The following CAPSL variants were observed in gnomAD, a reference collection of about 807,000 sequenced individuals.
CAPSL encodes calcyphosine like.
A neutral mutation model predicts 21.3 loss-of-function variants in CAPSL; 17 were observed. That is an observed-to-expected ratio of 0.80 (90% confidence interval 0.55 to 1.20). The LOEUF is 1.20. CAPSL is among the 50% of genes most tolerant of loss of function. CAPSL has a pLI of 0.00. For missense variants in CAPSL, 289 were observed against 259.3 expected (o/e 1.11, Z -0.79); for synonymous variants, 102 against 89.3 (o/e 1.14, Z -0.80).
chr5:35,935,326 T>C (rs1738916866), intron 1 of CAPSL, among the ~76,000 whole-genome samples: 1 of 148,506 alleles, frequency 6.7e-6, no homozygotes, highest in South Asian at 2.1e-4. Context: ...CCTCTGAAAG[T>C]CCAAACTTCT....
chr5:35,905,816 C>G (rs1760661247), intron 4 of CAPSL, among the ~76,000 whole-genome samples: 1 of 152,210 alleles, frequency 6.6e-6, no homozygotes, highest in Admixed American at 6.5e-5. Context: ...ACACCACCTG[C>G]ATCAGGACAA....
At chr5:35,935,847 C>T (rs904910015) in intron 1 of CAPSL, among the ~76,000 whole-genome samples, 100 of 152,282 alleles carry the variant, frequency 6.6e-4, no homozygotes, top group African/African-American at 2.2e-3. Flanking sequence ...TGCCTCCCTT[C>T]TTGACCCTCA....
At chr5:35,935,901 C>T (rs1738933998) in intron 1 of CAPSL, among the ~76,000 whole-genome samples, 1 of 152,158 alleles carries the variant, frequency 6.6e-6, no homozygotes, top group South Asian at 2.1e-4. Flanking sequence ...TAACTTGGTT[C>T]AATTTGCCCA....
At chr5:35,928,125 A>G (rs531072103) in intron 1 of CAPSL, among the ~76,000 whole-genome samples, 6 of 152,194 alleles carry the variant, frequency 3.9e-5, no homozygotes, top group African/African-American at 1.4e-4. Context: ...GAGGGGATAA[A>G]TGCTGTGTCT....
chr5:35,911,878 C>A (rs529237370), intron 2 of CAPSL, among the ~76,000 whole-genome samples: 70 of 152,244 alleles, frequency 4.6e-4, no homozygotes, highest in Non-Finnish European at 6.6e-4. Context: ...ACAGTGGGTG[C>A]AGCACACCAA....
intron 1 of CAPSL, among the ~76,000 whole-genome samples, chr5:35,921,397 T>A (rs1738535535): frequency 6.6e-6 from 1 of 152,218 alleles, no homozygotes. Context: ...CCCTCTTCCA[T>A]CCATAAAAGA....
rs553216841 is a variant in CAPSL at position 35,932,314 on chromosome 5, T to C, written c.-1+6227A>G. ...AGAAGACTGGAAGTGCTTCAAGTAG[T>C]CATCAATGTTTCCAGACTCTACTCA... On this transcript the variant is annotated intron_variant, in intron 1 of 4. Coordinates refer to ENST00000651391, the MANE Select transcript of CAPSL (RefSeq NM_001042625.2). 1.3e-5 allele frequency among the ~76,000 whole-genome samples: 2 copies of C among 152,270 alleles called. 1 individual carries two copies. The highest frequency in any genetic ancestry group is 2.9e-5 in the Non-Finnish European group (2 of 68,020).
Position 35,910,442 on chromosome 5 carries a change from A to G in CAPSL, c.239T>C (p.Val80Ala). The G allele has an allele frequency of 1.2e-6, 2 of 1,613,810 alleles. No individual in the cohort carries two copies. Among genetic ancestry groups the G allele is most frequent in the Non-Finnish European group, 1.7e-6 (2 of 1,179,764 alleles). Residue 80 changes from valine to alanine, a missense_variant, in exon 3 of 5, where the codon GTG becomes GCG. Coordinates refer to ENST00000651391, the MANE Select transcript of CAPSL (RefSeq NM_001042625.2). Reference protein sequence around the residue: ...DYAVVMEKEEVEELFRRFDKD... With the variant: ...DYAVVMEKEEAEELFRRFDKD... The stretch of plus-strand genomic sequence containing the variant: ...ATCAAACCTCCGGAAAAGTTCTTCC[A>G]CCTCTTCTTTTTCCATGACCACAGC...
At position 35,910,512 on chromosome 5, in the gene CAPSL, GATT is replaced by G; in HGVS notation, c.166_168del (p.Asn56del). Reference sequence around the variant, plus strand: ...ATAAATTCTTTAAAATCAAGGGTTCGATTATTATCGTCATCCATAATTCTAAAC... The same window carrying G: ...ATAAATTCTTTAAAATCAAGGGTTCGATTATCGTCATCCATAATTCTAAAC... On this transcript the variant is annotated inframe_deletion, in exon 3 of 5. Transcript: ENST00000651391. 1 of 1,607,714 alleles carries G rather than the reference GATT, an allele frequency of 6.2e-7. No individual in the cohort carries two copies.
At chr5:35,930,597 C>T (rs1181917526) in intron 1 of CAPSL, among the ~76,000 whole-genome samples, 1 of 152,184 alleles carries the variant, frequency 6.6e-6, no homozygotes, top group Non-Finnish European at 1.5e-5. Context: ...AAACACCTAC[C>T]TTGCCCCACT....
chr5:35,931,795 G>T (rs999768491), intron 1 of CAPSL, among the ~76,000 whole-genome samples: 1 of 152,192 alleles, frequency 6.6e-6, no homozygotes, highest in Non-Finnish European at 1.5e-5. Flanking sequence ...ACTTCGGTTG[G>T]TTTCAGTGTT....
chr5:35,917,645 T>C (rs1738427299), intron 2 of CAPSL, among the ~76,000 whole-genome samples: 1 of 152,080 alleles, frequency 6.6e-6, no homozygotes, highest in East Asian at 1.9e-4. Flanking sequence ...ATGTTCGCAC[T>C]CATAGGTGGG....
At chr5:35,926,230 G>A (rs1399202569) in intron 1 of CAPSL, among the ~76,000 whole-genome samples, 2 of 152,178 alleles carry the variant, frequency 1.3e-5, no homozygotes, top group Non-Finnish European at 2.9e-5. Context: ...AGAAGAGATA[G>A]GAGATGGCCA....
intron 1 of CAPSL, among the ~76,000 whole-genome samples, 173 bp downstream of exon 1, chr5:35,938,368 C>T (rs1306420754): frequency 6.6e-6 from 1 of 152,112 alleles, no homozygotes; most frequent in African/African-American, 2.4e-5. Flanking sequence ...CAGTACCAAG[C>T]TCTTTCCTCT....
intron 4 of CAPSL, among the ~76,000 whole-genome samples, chr5:35,905,234 C>T (rs1159826286): frequency 2.0e-5 from 3 of 152,182 alleles, no homozygotes; most frequent in Non-Finnish European, 2.9e-5. Flanking sequence ...CACCCATGAC[C>T]ATCTCTTTGA....
rs1738906139 is a variant in CAPSL, at chr5:35,934,920, T to G, written c.-1+3621A>C. ...TCTTTATCCTGGATGGTATCTGATTTTGCATAAGGAAACCTACCCCTCTTG... is the reference window on the plus strand; with the variant it reads ...TCTTTATCCTGGATGGTATCTGATTGTGCATAAGGAAACCTACCCCTCTTG... On this transcript the variant is annotated intron_variant, in intron 1 of 4. Coordinates refer to ENST00000651391, the MANE Select transcript of CAPSL (RefSeq NM_001042625.2). 2.6e-5 allele frequency among the ~76,000 whole-genome samples: 4 copies of G among 152,306 alleles called. No individual in the cohort carries two copies. In the South Asian group the frequency reaches 8.3e-4, roughly 32 times the overall value.
chr5:35,906,332 A>G (rs1760679658), intron 4 of CAPSL, among the ~76,000 whole-genome samples: 1 of 151,972 alleles, frequency 6.6e-6, no homozygotes, highest in Admixed American at 6.6e-5. Flanking sequence ...AAAACTCAAA[A>G]CTCACTTTCC....
intron 1 of CAPSL, among the ~76,000 whole-genome samples, chr5:35,935,641 T>A (rs1738926756): frequency 6.6e-6 from 1 of 152,148 alleles, no homozygotes; most frequent in South Asian, 2.1e-4. Context: ...AGACTGAAAG[T>A]TCAAAATTCA....
intron 2 of CAPSL, among the ~76,000 whole-genome samples, chr5:35,916,781 A>T (rs895418686): frequency 2.0e-5 from 3 of 152,228 alleles, no homozygotes; most frequent in African/African-American, 4.8e-5. Flanking sequence ...AACCTAGGCA[A>T]TACCATTCAG....
Sources: allele counts gnomAD v4.1 joint callset (sites outside exome capture counted in the v4.1 genomes callset), GRCh38; gene constraint gnomAD v4.1.1; transcripts MANE v1.5; gene names NCBI Gene and HGNC (gene_info 2026-07-23, HGNC 2026-07-21).